The following ABCA13 variants were observed in gnomAD, a reference collection of about 807,000 sequenced individuals.
ABCA13 encodes ATP binding cassette subfamily A member 13.
A neutral mutation model predicts 478.7 loss-of-function variants in ABCA13; 476 were observed. That is an observed-to-expected ratio of 0.99 (90% CI 0.92 to 1.07). The LOEUF (loss-of-function observed/expected upper bound fraction) is 1.07. Among genes scored for constraint, ABCA13 ranks in the 50% least tolerant of loss-of-function variants. The pLI, the probability that ABCA13 is intolerant of heterozygous loss-of-function variation, is 0.00. For synonymous variants in ABCA13, 2,252 were observed against 2,158.9 expected (o/e 1.04, Z -1.20); for missense variants, 6,060 against 5,910.6 (o/e 1.03, Z -0.83).
intron 27 of ABCA13, among the ~76,000 whole-genome samples, chr7:48,322,770 C>G (rs115015653): frequency 2.6e-5 from 4 of 152,010 alleles, no homozygotes; most frequent in African/African-American, 4.8e-5. Context: ...TTTTTTCGGT[C>G]GACAGCTCTC....
At position 48,210,211 on chromosome 7, in the gene ABCA13, A is replaced by C. The variant is rs376980633; in HGVS notation, c.288-9143A>C. On this transcript the variant is annotated intron_variant, in intron 3 of 61. Coordinates refer to ENST00000435803, the MANE Select transcript of ABCA13 (RefSeq NM_152701.5). ...AACATGTTCTTCACATGGCGGCAGG[A>C]GAGAGAAGCATAGAGCAAAGGGGGA... Among the ~76,000 whole-genome samples the C allele has an allele frequency of 7.2e-5, 11 of 152,212 alleles. No homozygotes were observed. In the East Asian group the frequency reaches 1.9e-3, roughly 27 times the overall value.
At chr7:48,486,523 T>A (rs1829315852) in intron 47 of ABCA13, among the ~76,000 whole-genome samples, 1 of 147,812 alleles carries the variant, frequency 6.8e-6, no homozygotes, top group Admixed American at 6.8e-5. Context: ...ATTTCCAGGC[T>A]TCTCAATTGT....
At chr7:48,642,438 ATATT>A (rs1338560232) in intron 59 of ABCA13, among the ~76,000 whole-genome samples, 1 of 152,200 alleles carries the variant, frequency 6.6e-6, no homozygotes, top group African/African-American at 2.4e-5. Flanking sequence ...CATTAAACTA[ATATT>A]TACCAGTGCT....
intron 1 of ABCA13, among the ~76,000 whole-genome samples, chr7:48,187,174 G>A (rs1310722287): frequency 6.7e-6 from 1 of 149,050 alleles, no homozygotes; most frequent in Non-Finnish European, 1.5e-5. Context: ...TTTTCTCTTA[G>A]AACTTTGTAA....
chr7:48,181,248 A>G (rs766327294), intron 1 of ABCA13, among the ~76,000 whole-genome samples: 29 of 152,164 alleles, frequency 1.9e-4, no homozygotes, highest in Non-Finnish European at 3.5e-4. Flanking sequence ...TTTTTTCCTT[A>G]TATAACTTGC....
chr7:48,408,208 C>T (rs1309772680), intron 39 of ABCA13, among the ~76,000 whole-genome samples: 1 of 152,182 alleles, frequency 6.6e-6, no homozygotes, highest in Non-Finnish European at 1.5e-5. Flanking sequence ...CTTTGTATCC[C>T]TTAACTAACA....
In ABCA13 at chr7:48,249,197, T is replaced by G; in HGVS notation, c.1866-15T>G. The G allele has an allele frequency of 6.3e-7, 1 of 1,587,584 alleles. No homozygotes were observed. Among genetic ancestry groups the G allele is most frequent in the Admixed American group, 1.8e-5 (1 of 55,602 alleles). ...TTTTAAATTTTAATTTTCTCTGGAT[T>G]CTTTTTGATTGCAGGATATTTCATA... On this transcript the variant is annotated splice_polypyrimidine_tract_variant and intron_variant, in intron 14 of 61. Coordinates refer to ENST00000435803, the MANE Select transcript of ABCA13 (RefSeq NM_152701.5).
intron 55 of ABCA13, among the ~76,000 whole-genome samples, chr7:48,558,429 T>A (rs1251559494): frequency 6.6e-6 from 1 of 151,654 alleles, no homozygotes; most frequent in Non-Finnish European, 1.5e-5. Context: ...CCCGAGTAAC[T>A]GGGATTACAG....
rs1813139036 is a variant in ABCA13, at chr7:48,374,421, G to A, written c.11203+5G>A. The A allele has an allele frequency of 1.2e-6, 2 of 1,605,442 alleles. No individual in the cohort carries two copies. Among genetic ancestry groups the A allele is most frequent in the Non-Finnish European group, 1.7e-6 (2 of 1,176,150 alleles). On this transcript the variant is annotated splice_donor_5th_base_variant and intron_variant, in intron 34 of 61. Transcript: ENST00000435803. ...TCCTGGAAGGACAAGAGACAGGTAA[G>A]AGCATGCATGTGTAAAAAGTGACTC...
chr7:48,455,338 A>T, intron 43 of ABCA13, 52 bp downstream of exon 43: 1 of 1,551,260 alleles, frequency 6.4e-7, no homozygotes, highest in Non-Finnish European at 8.8e-7. Flanking sequence ...GCAGATTATG[A>T]ATTGCAATAG....
intron 55 of ABCA13, among the ~76,000 whole-genome samples, chr7:48,543,002 G>A (rs1171373856): frequency 2.6e-5 from 4 of 151,500 alleles, no homozygotes; most frequent in Admixed American, 1.3e-4. Context: ...ATATAAAAAA[G>A]GTAGTATACA....
At chr7:48,230,030 C>A in intron 7 of ABCA13, 75 bp downstream of exon 7, 1 of 1,444,946 alleles carries the variant, frequency 6.9e-7, no homozygotes, top group Non-Finnish European at 9.3e-7. Context: ...TGACATAGAG[C>A]TAAAATGATG....
intron 38 of ABCA13, among the ~76,000 whole-genome samples, chr7:48,400,592 G>A (rs904185051): frequency 6.6e-6 from 1 of 152,254 alleles, no homozygotes; most frequent in South Asian, 2.1e-4. Context: ...AAATTCAACA[G>A]ATTAAAAACT....
At chr7:48,262,864 A>G (rs78078042) in intron 15 of ABCA13, among the ~76,000 whole-genome samples, 3,433 of 152,104 alleles carry the variant, frequency 0.023, 132 homozygotes, top group African/African-American at 0.078. Flanking sequence ...TGCTTGATAT[A>G]GTCTCCTCAC....
intron 35 of ABCA13, among the ~76,000 whole-genome samples, chr7:48,387,548 G>A (rs1815377940): frequency 6.6e-6 from 1 of 152,096 alleles, no homozygotes; most frequent in Non-Finnish European, 1.5e-5. Flanking sequence ...TATCCAAAAA[G>A]CATGTATTGA....
In ABCA13 at chr7:48,511,115, T is replaced by C. The variant is rs1191756544; in HGVS notation, c.13556T>C (p.Val4519Ala). The change falls in exon 51 of 62, where the codon GTT (valine) becomes GCT (alanine). Residue 4519 changes from valine to alanine, a missense_variant. Val to Ala is a moderately conservative substitution (Grantham distance 64, BLOSUM62 0). This residue lies in a region of ABCA13 where 1,627 missense variants were observed against 1,571.0 expected (regional missense o/e 1.04). Coordinates refer to ENST00000435803, the MANE Select transcript of ABCA13 (RefSeq NM_152701.5). ...TACTTGGTTTCCGTCTGCCTGTGTG[T>C]TGCCGTTATTGTCGCCTTCCAGTTA... Reference protein sequence around the residue: ...LFYLVSVCLCVAVIVAFQLTA... With the variant: ...LFYLVSVCLCAAVIVAFQLTA... 1 of 1,613,814 alleles carries C rather than the reference T, an allele frequency of 6.2e-7. No individual in the cohort carries two copies. The highest frequency in any genetic ancestry group is 2.2e-5 in the East Asian group (1 of 44,858).
chr7:48,606,319 T>A (rs899184556), intron 58 of ABCA13, among the ~76,000 whole-genome samples: 3 of 152,176 alleles, frequency 2.0e-5, no homozygotes, highest in African/African-American at 7.2e-5. Flanking sequence ...TTTTCAAGCC[T>A]TTTTGCTCTG....
chr7:48,412,521 G>A lies in ABCA13; in HGVS notation c.12397G>A (p.Asp4133Asn), dbSNP rs749471090. 1 of 1,613,448 alleles carries A rather than the reference G, an allele frequency of 6.2e-7. No individual in the cohort carries two copies. Among genetic ancestry groups the A allele is most frequent in the South Asian group, 1.1e-5 (1 of 91,034 alleles). ...CTTGAAAGGGCTCTTCCAGGCCCTG[G>A]ATGAGAACCTGCATCAGCTGCACCT... ...ACLKGLFQAL[D>N]ENLHQLHLTG... Residue 4133 changes from aspartate (D) to asparagine (N), a missense_variant, in exon 41 of 62, where the codon GAT becomes AAT. Physicochemically the swap from Asp to Asn is conservative, Grantham distance 23. Transcript: ENST00000435803.
Position 48,427,794 on chromosome 7 carries a change from A to G in ABCA13, c.12488A>G (p.Asn4163Ser), listed in dbSNP as rs954366121. 1.1e-5 allele frequency: 18 copies of G among 1,613,744 alleles called. No individual in the cohort carries two copies. Among genetic ancestry groups the G allele is most frequent in the African/African-American group, 5.3e-5 (4 of 75,042 alleles). Residue 4163 changes from asparagine (N) to serine (S), a missense_variant, in exon 42 of 62, where the codon AAC (asparagine) becomes AGC (serine). Physicochemically the swap from Asn to Ser is conservative, Grantham distance 46 (BLOSUM62 1). Around this residue, in one of 3 missense-constraint regions of ABCA13, gnomAD observed 1,627 missense variants for 1,571.0 expected, o/e 1.04. Coordinates refer to ENST00000435803, the MANE Select transcript of ABCA13 (RefSeq NM_152701.5). Reference protein sequence around the residue: ...EVFLMLLQDSNKKSHIALGTE... With the variant: ...EVFLMLLQDSSKKSHIALGTE... Reference sequence around the variant, plus strand: ...TTTTTGATGCTTTTGCAAGATTCCAACAAGAAATCTCACATTGCCCTGGGG... The same window carrying G: ...TTTTTGATGCTTTTGCAAGATTCCAGCAAGAAATCTCACATTGCCCTGGGG...
Sources: allele counts gnomAD v4.1 joint callset (sites outside exome capture counted in the v4.1 genomes callset), GRCh38; gene constraint gnomAD v4.1.1; regional missense constraint gnomAD v4.1.1; transcripts MANE v1.5; gene names NCBI Gene and HGNC (gene_info 2026-07-23, HGNC 2026-07-21).